ZCCHC7: variants seen among roughly 807,000 people sequenced by gnomAD.
ZCCHC7 encodes the protein zinc finger CCHC-type containing 7.
In ZCCHC7, 35 loss-of-function variants were observed where a neutral mutation model predicts 52.0. That is an observed-to-expected ratio of 0.67 (90% confidence interval 0.51 to 0.89). The LOEUF (loss-of-function observed/expected upper bound fraction) is 0.89, where lower values mean the gene tolerates loss of function less well. Ranked by LOEUF, ZCCHC7 falls within the 40% of genes least tolerant of loss-of-function variation. ZCCHC7 has a pLI of 0.00. For missense variants in ZCCHC7, 574 were observed against 649.1 expected, an observed-to-expected ratio of 0.88 and a Z score of 1.26; for synonymous variants, 217 against 221.5, an observed-to-expected ratio of 0.98 and a Z score of 0.18.
At chr9:37,302,280 C>T (rs1273618241) in intron 3 of ZCCHC7, 49 bp downstream of exon 3, 10 of 1,447,682 alleles carry the variant, frequency 6.9e-6, no homozygotes, top group Non-Finnish European at 8.7e-6. Flanking sequence ...TCCTTTGCTT[C>T]ATAGTTTATT....
rs1227132771 is a variant in ZCCHC7 at position 37,357,467 on chromosome 9, A to G, written c.*199A>G. ...TGTCCAACAGGATATTAGGTAAGAA[A>G]GTACAAAGATAAACCTGGACTTCTC... On this transcript the variant is annotated 3_prime_UTR_variant, in exon 9 of 9. Transcript: ENST00000336755. 2.4e-6 allele frequency: 1 copy of G among 418,144 alleles called. No homozygotes were observed. The highest frequency in any genetic ancestry group is 4.1e-6 in the Non-Finnish European group (1 of 243,156). The allele number at this position is 418,144 out of a possible 1,614,324, so 25.9% of individuals were successfully genotyped here.
rs1475156449 is a variant in ZCCHC7 at position 37,240,547 on chromosome 9, T to G, written c.611-61641T>G. The stretch of plus-strand genomic sequence containing the variant: ...TGTAAAGGCCAGAGAAAATAAAATA[T>G]TGATGTTTAAAAAGTTTGTGGATAA... On this transcript the variant is annotated intron_variant, in intron 2 of 8. Coordinates refer to ENST00000336755, the MANE Select transcript of ZCCHC7 (RefSeq NM_032226.3). 2.0e-5 allele frequency among the ~76,000 whole-genome samples: 3 copies of G among 151,936 alleles called. No individual in the cohort carries two copies. The East Asian group carries it at 5.8e-4, about 29-fold the overall frequency.
At chr9:37,216,083 A>T (rs1824487000) in intron 2 of ZCCHC7, among the ~76,000 whole-genome samples, 1 of 152,196 alleles carries the variant, frequency 6.6e-6, no homozygotes, top group African/African-American at 2.4e-5. Flanking sequence ...TTACTTGATC[A>T]TAGAGGCTTT....
At chr9:37,237,899 A>G (rs1825725602) in intron 2 of ZCCHC7, among the ~76,000 whole-genome samples, 1 of 152,076 alleles carries the variant, frequency 6.6e-6, no homozygotes, top group African/African-American at 2.4e-5. Flanking sequence ...AACACTAATG[A>G]TCGTAATCCC....
intron 2 of ZCCHC7, among the ~76,000 whole-genome samples, chr9:37,274,301 T>C (rs1362095334): frequency 1.3e-5 from 2 of 151,166 alleles, no homozygotes; most frequent in Non-Finnish European, 2.9e-5. Context: ...TATAGTGATA[T>C]AATTTTATGA....
chr9:37,331,623 T>C (rs2118255084), intron 6 of ZCCHC7, among the ~76,000 whole-genome samples: 1 of 151,814 alleles, frequency 6.6e-6, no homozygotes, highest in South Asian at 2.1e-4. Context: ...TAAGATAGGA[T>C]AGATAATTTT....
intron 6 of ZCCHC7, among the ~76,000 whole-genome samples, chr9:37,349,140 GGAA>G (rs1158417527): frequency 1.3e-5 from 2 of 152,196 alleles, no homozygotes; most frequent in Non-Finnish European, 2.9e-5. Flanking sequence ...GAATGAGGAG[GGAA>G]GAAGGAGAGG....
intron 2 of ZCCHC7, among the ~76,000 whole-genome samples, chr9:37,192,413 T>G (rs1220338642): frequency 6.6e-6 from 1 of 152,236 alleles, no homozygotes; most frequent in Non-Finnish European, 1.5e-5. Flanking sequence ...CCCTGACCTC[T>G]CCATATTTTC....
At chr9:37,337,161 T>C (rs2118396552) in intron 6 of ZCCHC7, among the ~76,000 whole-genome samples, 1 of 152,264 alleles carries the variant, frequency 6.6e-6, no homozygotes, top group Non-Finnish European at 1.5e-5. Flanking sequence ...CATATTACTA[T>C]AATCTTAAAC....
In ZCCHC7 at chr9:37,126,014, C is replaced by T. The variant is rs1387184175; in HGVS notation, c.-21-298C>T. Among the ~76,000 whole-genome samples, 3 of 152,256 alleles carry T rather than the reference C, an allele frequency of 2.0e-5. No homozygotes were observed. The East Asian group carries it at 5.8e-4, about 29-fold the overall frequency. ...ACACCATCTAGTTTGTGAAAATCAT[C>T]CTATGAAGTTTGCACGATGAAATCA... On this transcript the variant is annotated intron_variant, in intron 1 of 8. Coordinates refer to ENST00000336755, the MANE Select transcript of ZCCHC7 (RefSeq NM_032226.3).
intron 2 of ZCCHC7, among the ~76,000 whole-genome samples, chr9:37,272,715 A>G (rs1827486572): frequency 6.6e-6 from 1 of 152,114 alleles, no homozygotes. Flanking sequence ...TTTACTGTAT[A>G]TTCATGTATG....
chr9:37,326,659 A>G (rs1419236145), intron 5 of ZCCHC7, among the ~76,000 whole-genome samples: 1 of 150,634 alleles, frequency 6.6e-6, no homozygotes, highest in East Asian at 1.9e-4. Flanking sequence ...TGGCATTCAA[A>G]TGTTTCTTAA....
At chr9:37,162,150 C>T (rs6476615) in intron 2 of ZCCHC7, among the ~76,000 whole-genome samples, 151,330 of 152,280 alleles carry the variant, frequency 0.99, 75,198 homozygotes, top group East Asian at 1. Context: ...GTAAACTTTA[C>T]AGTTGACATA....
intron 2 of ZCCHC7, among the ~76,000 whole-genome samples, chr9:37,290,336 T>C (rs1828474086): frequency 1.3e-5 from 2 of 152,130 alleles, no homozygotes; most frequent in African/African-American, 2.4e-5. Context: ...GAAAATTTTT[T>C]TTTATTTTGA....
intron 6 of ZCCHC7, among the ~76,000 whole-genome samples, chr9:37,345,649 G>A (rs781456657): frequency 6.6e-6 from 1 of 151,876 alleles, no homozygotes; most frequent in African/African-American, 2.4e-5. Flanking sequence ...GAACCCAGGA[G>A]GCCGAGGTTG....
intron 2 of ZCCHC7, among the ~76,000 whole-genome samples, chr9:37,130,338 T>TA: frequency 8.0e-6 from 1 of 124,794 alleles, no homozygotes; most frequent in East Asian, 2.2e-4. Context: ...TCTCTCCTTT[T>TA]TTTTTTTTTT....
chr9:37,283,165 A>G (rs1055428801), intron 2 of ZCCHC7, among the ~76,000 whole-genome samples: 3 of 152,124 alleles, frequency 2.0e-5, no homozygotes, highest in African/African-American at 4.8e-5. Context: ...ATGGGATAAT[A>G]TGTATGAAAA....
chr9:37,345,392 C>G (rs1322249198), intron 6 of ZCCHC7, among the ~76,000 whole-genome samples: 1 of 152,150 alleles, frequency 6.6e-6, no homozygotes, highest in Non-Finnish European at 1.5e-5. Flanking sequence ...AATTTGTGAA[C>G]CACTGCAATA....
At chr9:37,136,637 A>T (rs1024023539) in intron 2 of ZCCHC7, among the ~76,000 whole-genome samples, 1 of 151,912 alleles carries the variant, frequency 6.6e-6, no homozygotes. Flanking sequence ...TTTTGTATGG[A>T]GTTAGATGGA....
Sources: gnomAD v4.1 joint callset for allele counts (sites outside exome capture counted in the v4.1 genomes callset) on GRCh38, gnomAD v4.1.1 for gene constraint, MANE v1.5 for transcripts, NCBI Gene and HGNC (gene_info 2026-07-23, HGNC 2026-07-21) for gene names.